The following SPAG16 variants were observed in gnomAD, a reference collection of about 807,000 sequenced individuals.
The protein encoded by SPAG16 is sperm-associated antigen 16 protein.
In SPAG16, 86 loss-of-function variants were observed where a neutral mutation model predicts 80.4. The ratio of observed to expected loss-of-function variants is 1.07; its 90% CI spans 0.90 to 1.28. SPAG16 has a LOEUF of 1.28. Among genes scored for constraint, SPAG16 ranks in the 50% most tolerant of loss-of-function variants. The pLI is 0.00. For missense variants in SPAG16, 870 were observed against 765.3 expected (o/e 1.14, Z -1.61); for synonymous variants, 294 against 265.9 (o/e 1.11, Z -1.03).
At chr2:213,661,620 G>A (rs1247568865) in intron 10 of SPAG16, among the ~76,000 whole-genome samples, 4 of 152,102 alleles carry the variant, frequency 2.6e-5, no homozygotes, top group African/African-American at 9.7e-5. Flanking sequence ...GGATTTTGAA[G>A]ACTTAATGCC....
intron 10 of SPAG16, among the ~76,000 whole-genome samples, chr2:213,694,658 A>G (rs1180350490): frequency 6.6e-6 from 1 of 152,084 alleles, no homozygotes; most frequent in African/African-American, 2.4e-5. Context: ...GAAGTGTTCC[A>G]TGTCTAAATT....
chr2:213,816,321 G>A (rs2072532964), intron 10 of SPAG16, among the ~76,000 whole-genome samples: 1 of 151,968 alleles, frequency 6.6e-6, no homozygotes, highest in Non-Finnish European at 1.5e-5. Flanking sequence ...TTCTGTTGAT[G>A]ACCCTATTGA....
intron 10 of SPAG16, among the ~76,000 whole-genome samples, chr2:213,654,540 CAAAAAAAAAA>C (rs36009811): frequency 1.2e-3 from 67 of 56,722 alleles, no homozygotes; most frequent in African/African-American, 3.3e-3. Context: ...ACTAAAAATA[CAAAAAAAAAA>C]AAAAAAAAAA....
intron 13 of SPAG16, among the ~76,000 whole-genome samples, chr2:214,016,817 C>G (rs1210510901): frequency 6.6e-6 from 1 of 152,084 alleles, no homozygotes; most frequent in Admixed American, 6.6e-5. Flanking sequence ...CTACAGTTGA[C>G]TCTATAAGAA....
At chr2:213,915,433 T>C (rs571087961) in intron 11 of SPAG16, among the ~76,000 whole-genome samples, 3 of 152,164 alleles carry the variant, frequency 2.0e-5, no homozygotes, top group Non-Finnish European at 4.4e-5. Flanking sequence ...TCCAGCTTCA[T>C]CCTTGTCCTT....
intron 10 of SPAG16, among the ~76,000 whole-genome samples, chr2:213,846,526 T>C (rs1206947397): frequency 6.6e-6 from 1 of 152,002 alleles, no homozygotes; most frequent in Non-Finnish European, 1.5e-5. Flanking sequence ...GTAAAACCAG[T>C]CCATGTCATA....
intron 14 of SPAG16, among the ~76,000 whole-genome samples, chr2:214,144,361 G>A (rs1223269308): frequency 6.6e-6 from 1 of 152,018 alleles, no homozygotes; most frequent in African/African-American, 2.4e-5. Context: ...CATTGTACAT[G>A]TGTATTATAT....
At chr2:213,851,994 A>C (rs1266365418) in intron 10 of SPAG16, among the ~76,000 whole-genome samples, 1 of 152,248 alleles carries the variant, frequency 6.6e-6, no homozygotes, top group Non-Finnish European at 1.5e-5. Flanking sequence ...ACATTTACTT[A>C]GCTGTCTTCT....
intron 10 of SPAG16, among the ~76,000 whole-genome samples, chr2:213,788,345 T>A (rs2070473588): frequency 6.6e-6 from 1 of 152,044 alleles, no homozygotes; most frequent in Admixed American, 6.6e-5. Flanking sequence ...ACAAATCTCA[T>A]ATGAGTAAGT....
At chr2:214,371,529 T>A (rs1574429290) in intron 15 of SPAG16, among the ~76,000 whole-genome samples, 1 of 115,820 alleles carries the variant, frequency 8.6e-6, no homozygotes, top group South Asian at 2.4e-4. Flanking sequence ...CACAAATCCT[T>A]CTCAAAAAAA....
intron 10 of SPAG16, among the ~76,000 whole-genome samples, chr2:213,668,792 G>C (rs896531951): frequency 1.3e-5 from 2 of 151,978 alleles, no homozygotes; most frequent in African/African-American, 4.8e-5. Flanking sequence ...GGGATTACAG[G>C]TGTGTGCCAC....
chr2:213,470,699 C>T (rs1216740671), intron 9 of SPAG16, among the ~76,000 whole-genome samples: 1 of 152,232 alleles, frequency 6.6e-6, no homozygotes, highest in Non-Finnish European at 1.5e-5. Context: ...CCACTTTTCT[C>T]ATGGGCCCAT....
intron 12 of SPAG16, among the ~76,000 whole-genome samples, chr2:214,006,323 C>G (rs926400304): frequency 2.6e-5 from 4 of 152,118 alleles, no homozygotes; most frequent in Non-Finnish European, 4.4e-5. Context: ...CAAAGGAACT[C>G]TGTGTTAAAA....
At chr2:213,339,079 T>C (rs951729988) in intron 5 of SPAG16, among the ~76,000 whole-genome samples, 68 of 152,142 alleles carry the variant, frequency 4.5e-4, no homozygotes, top group African/African-American at 1.6e-3. Context: ...TCAGAGACCT[T>C]GCACCATATG....
chr2:213,284,491 C>T lies in SPAG16; in HGVS notation c.8C>T (p.Ala3Val). The change falls in exon 1 of 16, where the codon GCT (alanine) becomes GTT (valine). Residue 3 changes from alanine (A) to valine (V), a missense_variant. Transcript: ENST00000331683. ...GGGCCCGAAGCGCCAGAGATGGCTG[C>T]TCAGCGAGGGATGCCCAGCTCCGCC... MA[A>V]QRGMPSSAVR... is the part of the protein sequence containing the mutation. 6.4e-7 allele frequency: 1 copy of T among 1,569,126 alleles called. No individual in the cohort carries two copies. The highest frequency in any genetic ancestry group is 8.6e-7 in the Non-Finnish European group (1 of 1,157,474).
At chr2:213,767,759 T>C (rs2069019700) in intron 10 of SPAG16, among the ~76,000 whole-genome samples, 1 of 152,098 alleles carries the variant, frequency 6.6e-6, no homozygotes, top group Admixed American at 6.6e-5. Flanking sequence ...TTTGCCTACT[T>C]TCTCCACTGG....
At chr2:214,229,946 C>A (rs1688574626) in intron 15 of SPAG16, among the ~76,000 whole-genome samples, 1 of 151,796 alleles carries the variant, frequency 6.6e-6, no homozygotes, top group South Asian at 2.1e-4. Flanking sequence ...TTTGCAGATT[C>A]AACCTCATAT....
intron 13 of SPAG16, among the ~76,000 whole-genome samples, chr2:214,072,552 G>A (rs1278135994): frequency 1.3e-5 from 2 of 152,080 alleles, no homozygotes; most frequent in South Asian, 2.1e-4. Context: ...CTAGACTAGG[G>A]AATCTGTTTA....
At chr2:214,398,491 A>G (rs1245570213) in intron 15 of SPAG16, among the ~76,000 whole-genome samples, 2 of 152,194 alleles carry the variant, frequency 1.3e-5, no homozygotes, top group Non-Finnish European at 2.9e-5. Flanking sequence ...AGTGCCCTTG[A>G]TCTCAAATTG....
Sources: allele counts gnomAD v4.1 joint callset (sites outside exome capture counted in the v4.1 genomes callset), GRCh38; gene constraint gnomAD v4.1.1; transcripts MANE v1.5; gene names NCBI Gene and HGNC (gene_info 2026-07-23, HGNC 2026-07-21).